Variants in SACS observed in about 807,000 individuals in gnomAD.
The protein encoded by SACS is sacsin.
SACS carries 197 observed loss-of-function variants against 348.0 expected under a neutral mutation model. The observed-to-expected ratio is 0.57, with a 90% CI of 0.50 to 0.64. The LOEUF (loss-of-function observed/expected upper bound fraction) is 0.64, where lower values mean the gene tolerates loss of function less well. SACS is among the 30% of genes least tolerant of loss of function. SACS has a pLI of 0.00. For synonymous variants in SACS, 1,985 were observed against 1,910.6 expected, an observed-to-expected ratio of 1.04 and a Z score of -1.02; for missense variants, 4,999 against 5,360.8, an observed-to-expected ratio of 0.93 and a Z score of 2.11.
At chr13:23,343,296 G>A (rs572890168) in intron 9 of SACS, among the ~76,000 whole-genome samples, 1 of 152,146 alleles carries the variant, frequency 6.6e-6, no homozygotes, top group East Asian at 1.9e-4. Context: ...TACATCTACA[G>A]GTATATTTTT....
Position 23,354,620 on chromosome 13 carries a change from A to C in SACS, c.1992T>G (p.Leu664=), listed in dbSNP as rs1441601348. The change falls in exon 8 of 10, where the codon CTT becomes CTG. Residue 664 remains leucine, a synonymous_variant. Coordinates refer to ENST00000382292, the MANE Select transcript of SACS (RefSeq NM_014363.6). ...TTTGTAAAGGGAGCAGCTCCAGCCC[A>C]AGCAGCTCACTGTAGGCTTGGTCAG... is the stretch of plus-strand genomic sequence containing the variant. ...VLSDQAYSEL[L]GLELLPLQNG... 1.9e-6 allele frequency: 3 copies of C among 1,614,118 alleles called. No individual in the cohort carries two copies. In the African/African-American group the frequency reaches 4.0e-5, roughly 22 times the overall value.
chr13:23,422,319 A>G (rs930196850), intron 1 of SACS, among the ~76,000 whole-genome samples: 4 of 152,234 alleles, frequency 2.6e-5, no homozygotes, highest in African/African-American at 9.6e-5. Context: ...ATATCACTGA[A>G]TGTAACCTGT....
chr13:23,415,440 C>T (rs1873657547), intron 1 of SACS, among the ~76,000 whole-genome samples: 1 of 152,172 alleles, frequency 6.6e-6, no homozygotes, highest in South Asian at 2.1e-4. Context: ...TACACATGTT[C>T]ATCTCCCTGG....
At chr13:23,398,889 T>C (rs1218637854) in intron 2 of SACS, among the ~76,000 whole-genome samples, 5 of 151,286 alleles carry the variant, frequency 3.3e-5, no homozygotes, top group Non-Finnish European at 7.4e-5. Context: ...AAAAAAAAAT[T>C]AGCTGGGAGC....
chr13:23,336,486 T>C lies in SACS; in HGVS notation c.7390A>G (p.Lys2464Glu), dbSNP rs774015278. ...GGGCAATCATTGTAGCATAACGATT[T>C]AGCAGGGAGAAGCATAAGATTAGTA... Reference protein sequence around the residue: ...PDTNLMLLPAKSLCYNDCPWI... With the variant: ...PDTNLMLLPAESLCYNDCPWI... The change falls in exon 10 of 10, where the codon AAA (lysine) becomes GAA (glutamate). Residue 2464 changes from lysine to glutamate, a missense_variant. Lys to Glu is a moderately conservative substitution (Grantham distance 56). This residue lies in a region of SACS where 3,156 missense variants were observed against 3,380.1 expected (regional missense o/e 0.93). Coordinates refer to ENST00000382292, the MANE Select transcript of SACS (RefSeq NM_014363.6). 1.2e-6 allele frequency: 2 copies of C among 1,614,052 alleles called. No individual in the cohort carries two copies. Among genetic ancestry groups the C allele is most frequent in the East Asian group, 2.2e-5 (1 of 44,878 alleles).
chr13:23,414,969 C>G (rs1336592934), intron 1 of SACS, among the ~76,000 whole-genome samples: 1 of 152,192 alleles, frequency 6.6e-6, no homozygotes, highest in African/African-American at 2.4e-5. Flanking sequence ...GTCCTCATCT[C>G]ACACCTTCTG....
At chr13:23,367,652 T>C (rs986708505) in intron 5 of SACS, among the ~76,000 whole-genome samples, 3 of 152,212 alleles carry the variant, frequency 2.0e-5, no homozygotes, top group Non-Finnish European at 2.9e-5. Context: ...TGGAGTGCAG[T>C]GGCGCAATCT....
rs1870266255 is a variant in SACS, at chr13:23,355,097, A to G, written c.1515T>C (p.Tyr505=). 2.5e-6 allele frequency: 4 copies of G among 1,614,110 alleles called. No individual in the cohort carries two copies. Among genetic ancestry groups the G allele is most frequent in the Admixed American group, 3.3e-5 (2 of 60,008 alleles). ...FLVMNVVPKA[Y]ATLILDSIKR... is the part of the protein sequence containing the mutation. ...TTATTGAATCTAAGATCAGAGTAGC[A>G]TAAGCTTTGGGGACAACATTCATGA... The change falls in exon 8 of 10, where the codon TAT becomes TAC. Residue 505 remains tyrosine, a synonymous_variant. Coordinates refer to ENST00000382292, the MANE Select transcript of SACS (RefSeq NM_014363.6).
Position 23,330,081 on chromosome 13 carries a change from A to AATTT in SACS, c.*51_*54dup, listed in dbSNP as rs1316665476. 9.5e-6 allele frequency: 14 copies of AATTT among 1,479,950 alleles called. No individual in the cohort carries two copies. Among genetic ancestry groups the AATTT allele is most frequent in the Non-Finnish European group, 1.2e-5 (13 of 1,066,130 alleles). The allele number at this position is 1,479,950 out of a possible 1,614,324, so 91.7% of individuals were successfully genotyped here. ...GCAATGAAGCTTAATGAAGTACAGC[A>AATTT]ATTTATTCGTGCTACAACACATTCA... On this transcript the variant is annotated 3_prime_UTR_variant, in exon 10 of 10. Transcript: ENST00000382292.
intron 2 of SACS, among the ~76,000 whole-genome samples, chr13:23,382,755 G>A (rs1041827930): frequency 3.4e-5 from 5 of 147,246 alleles, no homozygotes; most frequent in Admixed American, 1.4e-4. Flanking sequence ...TATTCTTTGT[G>A]TTTTGTTTTG....
chr13:23,405,534 C>T (rs1052626021), intron 2 of SACS, among the ~76,000 whole-genome samples: 6 of 152,036 alleles, frequency 3.9e-5, no homozygotes, highest in African/African-American at 1.4e-4. Context: ...CAATGGCAAT[C>T]GAAGCCAAAA....
At chr13:23,407,412 G>T (rs972843342) in intron 2 of SACS, among the ~76,000 whole-genome samples, 5 of 151,736 alleles carry the variant, frequency 3.3e-5, no homozygotes, top group African/African-American at 7.3e-5. Flanking sequence ...TGTTAGCCAG[G>T]ATGGTCTCCA....
chr13:23,388,750 T>C (rs1227422664), intron 2 of SACS, among the ~76,000 whole-genome samples: 4 of 150,272 alleles, frequency 2.7e-5, no homozygotes, highest in South Asian at 2.1e-4. Flanking sequence ...TGGGAGGGGG[T>C]TGAGGGATAA....
Position 23,335,677 on chromosome 13 carries a change from A to G in SACS, c.8199T>C (p.Asp2733=). 6.2e-7 allele frequency: 1 copy of G among 1,614,042 alleles called. No individual in the cohort carries two copies. The highest frequency in any genetic ancestry group is 8.5e-7 in the Non-Finnish European group (1 of 1,179,914). The change falls in exon 10 of 10, where the codon GAT becomes GAC. Residue 2733 remains aspartate (D), a synonymous_variant. Coordinates refer to ENST00000382292, the MANE Select transcript of SACS (RefSeq NM_014363.6). The surrounding 1 kb of genome is among the most constrained non-coding windows in gnomAD (Gnocchi z 4.7). ...VQNLLDKLRS[D]GAELLMFLNH... ...TAAGAAACATTAGAAGTTCTGCCCC[A>G]TCTGAGCGCAGTTTGTCCAAAAGAT...
chr13:23,402,963 G>GT (rs35724932), intron 2 of SACS, among the ~76,000 whole-genome samples: 59,374 of 151,634 alleles, frequency 0.39, 12,331 homozygotes, highest in East Asian at 0.55. Flanking sequence ...AGATCACTAG[G>GT]CAGGAGTTCG....
In SACS at chr13:23,410,073, A is replaced by AAACTAGGCAAG. The variant is rs200793254; in HGVS notation, c.20+1146_20+1147insCTTGCCTAGTT. 5.4e-3 allele frequency among the ~76,000 whole-genome samples: 823 copies of AAACTAGGCAAG among 152,308 alleles called. 10 individuals carry two copies. The highest frequency in any genetic ancestry group is 0.019 in the African/African-American group (793 of 41,564). On this transcript the variant is annotated intron_variant, in intron 2 of 9. Transcript: ENST00000382292. ...GATTTGAAAAAAAGTCTGGTTCCAAAACTAGGAGGGAATGCATTAATATGG... is the reference window on the plus strand; with the variant it reads ...GATTTGAAAAAAAGTCTGGTTCCAAAAACTAGGCAAGACTAGGAGGGAATGCATTAATATGG...
chr13:23,426,999 G>A (rs1164441130), intron 1 of SACS: 1 of 152,086 alleles, frequency 6.6e-6, no homozygotes, highest in Non-Finnish European at 1.5e-5. Flanking sequence ...TACCATTTGG[G>A]GAGTAGCACC....
chr13:23,425,772 C>G (rs1033917225), intron 1 of SACS, among the ~76,000 whole-genome samples: 1 of 151,560 alleles, frequency 6.6e-6, no homozygotes, highest in South Asian at 2.1e-4. Flanking sequence ...CTTGGGGCCC[C>G]GAAGCTCCAC....
At chr13:23,423,263 T>C (rs1467007521) in intron 1 of SACS, among the ~76,000 whole-genome samples, 1 of 152,136 alleles carries the variant, frequency 6.6e-6, no homozygotes, top group Non-Finnish European at 1.5e-5. Context: ...CCCTAATAAC[T>C]AGAAACAATC....
Sources: gnomAD v4.1 joint callset for allele counts (sites outside exome capture counted in the v4.1 genomes callset) on GRCh38, gnomAD v4.1.1 for gene constraint, gnomAD v4.1.1 regional missense constraint, Gnocchi (gnomAD v3.1) non-coding constraint, MANE v1.5 for transcripts, NCBI Gene and HGNC (gene_info 2026-07-23, HGNC 2026-07-21) for gene names.